ROBO2: variants seen among roughly 807,000 people sequenced by gnomAD.
ROBO2 encodes roundabout guidance receptor 2.
Under a neutral mutation model 160.8 loss-of-function variants are expected in ROBO2, and 53 were observed. The ratio of observed to expected loss-of-function variants is 0.33; its 90% CI spans 0.26 to 0.41. ROBO2 has a LOEUF of 0.41. Ranked by LOEUF, ROBO2 falls within the 10% of genes least tolerant of loss-of-function variation. The pLI, the probability that ROBO2 is intolerant of heterozygous loss-of-function variation, is 1.00. For missense variants in ROBO2, 1,577 were observed against 1,722.4 expected, an observed-to-expected ratio of 0.92 and a Z score of 1.49; for synonymous variants, 664 against 611.7, an observed-to-expected ratio of 1.09 and a Z score of -1.26.
intron 2 of ROBO2, among the ~76,000 whole-genome samples, chr3:76,220,552 G>A (rs1275164561): frequency 6.6e-6 from 1 of 152,078 alleles, no homozygotes; most frequent in Admixed American, 6.6e-5. Context: ...TGGGAGCATT[G>A]ATTTGGGACT....
chr3:76,116,368 A>G lies in ROBO2; in HGVS notation c.109+178766A>G, dbSNP rs558463163. ...TATCCTTAACGGAATCCTCAGTCAGACGTAGAATAAATTAACATATGTAAC... is the reference window on the plus strand; with the variant it reads ...TATCCTTAACGGAATCCTCAGTCAGGCGTAGAATAAATTAACATATGTAAC... On this transcript the variant is annotated intron_variant, in intron 2 of 26. Coordinates refer to the ROBO2 transcript ENST00000487694. 2.6e-5 allele frequency among the ~76,000 whole-genome samples: 4 copies of G among 152,260 alleles called. No individual in the cohort carries two copies. The East Asian group carries it at 7.7e-4, about 29-fold the overall frequency.
At chr3:76,355,675 AT>A (rs2108328133) in intron 2 of ROBO2, among the ~76,000 whole-genome samples, 1 of 151,974 alleles carries the variant, frequency 6.6e-6, no homozygotes, top group East Asian at 1.9e-4. Flanking sequence ...GACTGGATAA[AT>A]AAAAAATTCT....
At chr3:77,537,509 A>T (rs1284390760) in intron 6 of ROBO2, among the ~76,000 whole-genome samples, 1 of 152,164 alleles carries the variant, frequency 6.6e-6, no homozygotes, top group African/African-American at 2.4e-5. Context: ...GACTCATGGT[A>T]GTCATTCTAT....
rs906024469 is a variant in ROBO2, at chr3:76,743,634, G to T, written c.110-354380G>T. ...ATGATTTAATGAAAAAATACATGAGGTGGTAAATAGAGAAGAATTGGGTTA... is the reference window on the plus strand; with the variant it reads ...ATGATTTAATGAAAAAATACATGAGTTGGTAAATAGAGAAGAATTGGGTTA... On this transcript the variant is annotated intron_variant, in intron 2 of 26. Transcript: ENST00000487694. 8.5e-5 allele frequency among the ~76,000 whole-genome samples: 13 copies of T among 152,152 alleles called. No homozygotes were observed. The East Asian group carries it at 1.9e-3, about 23-fold the overall frequency.
rs533846730 is a variant in ROBO2, at chr3:77,607,418, TGAGA to T, written c.3137-375_3137-372del. Among the ~76,000 whole-genome samples the T allele has an allele frequency of 3.7e-3, 556 of 152,308 alleles. 2 individuals carry two copies. Among genetic ancestry groups the T allele is most frequent in the African/African-American group, 0.013 (527 of 41,558 alleles). ...TATCCTTAGACCTTGCATTTTCCAC[TGAGA>T]GAGATTATGCAAAAGAGCATTATAA... On this transcript the variant is annotated intron_variant, in intron 20 of 25. Coordinates refer to ENST00000461745, the Ensembl canonical transcript of ROBO2.
intron 4 of ROBO2, among the ~76,000 whole-genome samples, chr3:77,482,183 G>A (rs759252042): frequency 6.6e-6 from 1 of 151,956 alleles, no homozygotes; most frequent in Non-Finnish European, 1.5e-5. Flanking sequence ...GATTTTTTAG[G>A]AGCAAAAATA....
intron 2 of ROBO2, among the ~76,000 whole-genome samples, chr3:77,432,675 C>G (rs1343148941): frequency 6.6e-6 from 1 of 152,196 alleles, no homozygotes; most frequent in Non-Finnish European, 1.5e-5. Context: ...TTTTGGTCCA[C>G]AAACCCAACT....
chr3:77,112,563 A>G (rs2073768042), intron 2 of ROBO2, among the ~76,000 whole-genome samples: 1 of 152,094 alleles, frequency 6.6e-6, no homozygotes, highest in African/African-American at 2.4e-5. Context: ...CAAGGATTTA[A>G]GACTATGTCC....
At chr3:76,174,726 C>A (rs558537990) in intron 2 of ROBO2, among the ~76,000 whole-genome samples, 2 of 152,156 alleles carry the variant, frequency 1.3e-5, no homozygotes, top group African/African-American at 4.8e-5. Context: ...GTCTATATAT[C>A]TGTTTTGGTA....
intron 2 of ROBO2, among the ~76,000 whole-genome samples, chr3:76,698,620 A>G (rs1041133672): frequency 1.3e-5 from 2 of 152,188 alleles, no homozygotes; most frequent in Non-Finnish European, 2.9e-5. Flanking sequence ...CCCTGGTTGA[A>G]AGTGCTGTGT....
At chr3:76,531,050 T>C (rs1244413723) in intron 2 of ROBO2, among the ~76,000 whole-genome samples, 1 of 152,202 alleles carries the variant, frequency 6.6e-6, no homozygotes, top group East Asian at 1.9e-4. Flanking sequence ...TGCCTCTCAA[T>C]AGATTTTGAG....
intron 2 of ROBO2, among the ~76,000 whole-genome samples, chr3:76,918,738 A>C (rs2076480770): frequency 6.6e-6 from 1 of 152,200 alleles, no homozygotes; most frequent in African/African-American, 2.4e-5. Flanking sequence ...AGTTCTAAAT[A>C]TTTGAATGTC....
chr3:77,623,382 T>C (rs2094939813), intron 23 of ROBO2, among the ~76,000 whole-genome samples: 1 of 152,212 alleles, frequency 6.6e-6, no homozygotes, highest in South Asian at 2.1e-4. Flanking sequence ...CCCGCTTAAT[T>C]CATTTTTATG....
intron 2 of ROBO2, among the ~76,000 whole-genome samples, chr3:76,504,522 T>G (rs2080677024): frequency 1.7e-5 from 1 of 58,234 alleles, no homozygotes; most frequent in Non-Finnish European, 3.3e-5. Context: ...AAATACTCTT[T>G]TTTTTTTTTT....
chr3:76,621,012 T>C (rs1202180535), intron 2 of ROBO2, among the ~76,000 whole-genome samples: 3 of 152,192 alleles, frequency 2.0e-5, no homozygotes, highest in African/African-American at 7.2e-5. Flanking sequence ...GCTGACTCTG[T>C]TGCGATTTTC....
At chr3:77,641,300 G>T (rs2095347198) in intron 24 of ROBO2, among the ~76,000 whole-genome samples, 1 of 152,188 alleles carries the variant, frequency 6.6e-6, no homozygotes, top group Non-Finnish European at 1.5e-5. Context: ...TGGCAATGCT[G>T]CTCCAACTTA....
intron 24 of ROBO2, 52 bp downstream of exon 26, chr3:77,642,995 T>C: frequency 2.3e-6 from 1 of 442,540 alleles, no homozygotes; most frequent in East Asian, 7.0e-5. Context: ...TTTCTTTTCC[T>C]ACCAGGTATT....
intron 2 of ROBO2, among the ~76,000 whole-genome samples, chr3:77,410,981 G>T (rs1282644209): frequency 3.3e-5 from 5 of 151,884 alleles, no homozygotes. Context: ...TTTTAAAAAT[G>T]TTTTGCAGAG....
intron 2 of ROBO2, among the ~76,000 whole-genome samples, chr3:77,448,854 T>G (rs2080847741): frequency 6.6e-6 from 1 of 151,928 alleles, no homozygotes; most frequent in African/African-American, 2.4e-5. Context: ...AAGAGCCAAG[T>G]TAAAAACATT....
Sources: gnomAD v4.1 joint callset for allele counts (sites outside exome capture counted in the v4.1 genomes callset) on GRCh38, gnomAD v4.1.1 for gene constraint, MANE v1.5 for transcripts, NCBI Gene and HGNC (gene_info 2026-07-23, HGNC 2026-07-21) for gene names.